Variants in PTPRN2 observed in about 807,000 individuals in gnomAD.
PTPRN2 encodes the protein receptor-type tyrosine-protein phosphatase N2.
PTPRN2 carries 74 observed loss-of-function variants against 118.8 expected under a neutral mutation model. The ratio of observed to expected loss-of-function variants is 0.62; its 90% confidence interval spans 0.52 to 0.76. The LOEUF (loss-of-function observed/expected upper bound fraction) is 0.76. PTPRN2 is among the 30% of genes least tolerant of loss of function. The pLI is 0.00. For synonymous variants in PTPRN2, 641 were observed against 608.0 expected (o/e 1.05, Z -0.80); for missense variants, 1,481 against 1,394.4 (o/e 1.06, Z -0.99).
chr7:157,785,307 G>C lies in PTPRN2; in HGVS notation c.1789-102370C>G, dbSNP rs1196022444. ...GTGTAAATCCACACTCTATGGTGACGGTGGATCCACAGCTGCCGCGGGTCC... is the reference window on the plus strand; with the variant it reads ...GTGTAAATCCACACTCTATGGTGACCGTGGATCCACAGCTGCCGCGGGTCC... On this transcript the variant is annotated intron_variant, in intron 12 of 22. Transcript: ENST00000389418. This position sits in a 1 kb window ranked among gnomAD's most constrained non-coding sequence, Gnocchi z 7.3. 6.6e-6 allele frequency among the ~76,000 whole-genome samples: 1 copy of C among 152,298 alleles called. No individual in the cohort carries two copies. Among genetic ancestry groups the C allele is most frequent in the South Asian group, 2.1e-4 (1 of 4,824 alleles).
Position 157,974,525 on chromosome 7 carries a change from G to A in PTPRN2, c.1724-75788C>T, listed in dbSNP as rs1454496930. ...GTGGGAACCGTCGGTCCTGCCATGGGACGATGTGACTGGGGGCTCGTCCAT... is the reference window on the plus strand; with the variant it reads ...GTGGGAACCGTCGGTCCTGCCATGGAACGATGTGACTGGGGGCTCGTCCAT... On this transcript the variant is annotated intron_variant, in intron 11 of 22. Transcript: ENST00000389418. The surrounding 1 kb of genome is among the most constrained non-coding windows in gnomAD (Gnocchi z 4.0). Among the ~76,000 whole-genome samples, 3 of 152,190 alleles carry A rather than the reference G, an allele frequency of 2.0e-5. No individual in the cohort carries two copies. The highest frequency in any genetic ancestry group is 7.2e-5 in the African/African-American group (3 of 41,448).
At chr7:158,504,239 C>T (rs1822579813) in intron 1 of PTPRN2, among the ~76,000 whole-genome samples, 1 of 152,032 alleles carries the variant, frequency 6.6e-6, no homozygotes, top group African/African-American at 2.4e-5. Context: ...CCAGGATGTG[C>T]AGGTTTGTCA....
intron 12 of PTPRN2, among the ~76,000 whole-genome samples, chr7:157,876,650 C>T (rs1444491799): frequency 6.6e-6 from 1 of 152,190 alleles, no homozygotes; most frequent in Non-Finnish European, 1.5e-5. Context: ...AAGACCAGCG[C>T]CCCCACGTGG....
chr7:158,570,678 G>T lies in PTPRN2; in HGVS notation c.112+16880C>A, dbSNP rs759546841. ...GTCTCCGCCGTAACACGTGTATACCGGCTCAGCACGCGGCTGGGTACGGTT... is the reference window on the plus strand; with the variant it reads ...GTCTCCGCCGTAACACGTGTATACCTGCTCAGCACGCGGCTGGGTACGGTT... On this transcript the variant is annotated intron_variant, in intron 1 of 22. Coordinates refer to ENST00000389418, the MANE Select transcript of PTPRN2 (RefSeq NM_002847.5). The surrounding 1 kb of genome is among the most constrained non-coding windows in gnomAD (Gnocchi z 4.5). Among the ~76,000 whole-genome samples, 2 of 152,154 alleles carry T rather than the reference G, an allele frequency of 1.3e-5. No individual in the cohort carries two copies. Among genetic ancestry groups the T allele is most frequent in the Non-Finnish European group, 1.5e-5 (1 of 68,016 alleles).
At chr7:158,243,321 C>A (rs540482130) in intron 3 of PTPRN2, among the ~76,000 whole-genome samples, 53 of 152,154 alleles carry the variant, frequency 3.5e-4, no homozygotes, top group Non-Finnish European at 6.6e-4. Flanking sequence ...AGGAGCAGAC[C>A]ATTTCACTGC....
At chr7:158,581,840 G>A (rs1828642705) in intron 1 of PTPRN2, among the ~76,000 whole-genome samples, 1 of 152,246 alleles carries the variant, frequency 6.6e-6, no homozygotes, top group South Asian at 2.1e-4. Flanking sequence ...CAAGACAAAT[G>A]CAGCTCGGTA....
At chr7:158,208,438 C>G (rs1411542546) in intron 3 of PTPRN2, among the ~76,000 whole-genome samples, 2 of 152,182 alleles carry the variant, frequency 1.3e-5, no homozygotes, top group Non-Finnish European at 2.9e-5. Context: ...TACAATGGAG[C>G]TGCAGTACAT....
chr7:158,383,358 C>G (rs551001845), intron 2 of PTPRN2, among the ~76,000 whole-genome samples: 1 of 152,276 alleles, frequency 6.6e-6, no homozygotes, highest in South Asian at 2.1e-4. Flanking sequence ...CAGAACAGAG[C>G]AATCATGCAC....
chr7:158,224,604 T>A (rs1358657148), intron 3 of PTPRN2, among the ~76,000 whole-genome samples: 1 of 152,090 alleles, frequency 6.6e-6, no homozygotes, highest in Non-Finnish European at 1.5e-5. Context: ...GACATAAATG[T>A]AAAAATGCAA....
chr7:157,844,100 C>T (rs1239310142), intron 12 of PTPRN2, among the ~76,000 whole-genome samples: 1 of 151,552 alleles, frequency 6.6e-6, no homozygotes, highest in African/African-American at 2.4e-5. Flanking sequence ...AACGCAGGCC[C>T]CTCCACATCG....
intron 11 of PTPRN2, among the ~76,000 whole-genome samples, chr7:158,068,527 G>A (rs1052349185): frequency 9.9e-5 from 15 of 152,214 alleles, no homozygotes; most frequent in African/African-American, 2.4e-4. Flanking sequence ...GCATTGGTAC[G>A]GCTTCACTTT....
chr7:157,745,259 G>A (rs1004001825), intron 12 of PTPRN2, among the ~76,000 whole-genome samples: 19 of 152,222 alleles, frequency 1.2e-4, no homozygotes, highest in Non-Finnish European at 1.9e-4. Context: ...TTCTGTGTAT[G>A]TCTCAGCCCA....
At chr7:157,584,078 A>C (rs966808332) in intron 17 of PTPRN2, among the ~76,000 whole-genome samples, 4 of 152,142 alleles carry the variant, frequency 2.6e-5, no homozygotes, top group Admixed American at 2.0e-4. Flanking sequence ...GGGTGGGAGG[A>C]TCATTTGAGC....
rs148389929 is a variant in PTPRN2 at position 157,973,898 on chromosome 7, C to T, written c.1724-75161G>A. 1.5e-3 allele frequency among the ~76,000 whole-genome samples: 225 copies of T among 152,312 alleles called. 1 individual carries two copies. Among genetic ancestry groups the T allele is most frequent in the African/African-American group, 4.9e-3 (205 of 41,568 alleles). On this transcript the variant is annotated intron_variant, in intron 11 of 22. Transcript: ENST00000389418. ...CCACAGGGTATGAAAAGTGGCCTCT[C>T]GCGCTGTCCTCCTTCTGTTGGGGGG...
intron 14 of PTPRN2, among the ~76,000 whole-genome samples, chr7:157,653,062 CAT>C (rs1330934553): frequency 6.6e-6 from 1 of 152,224 alleles, no homozygotes; most frequent in Non-Finnish European, 1.5e-5. Flanking sequence ...CACCCTGCCA[CAT>C]GTGTCCTTTG....
intron 11 of PTPRN2, among the ~76,000 whole-genome samples, chr7:157,975,068 G>A (rs1025556735): frequency 1.3e-5 from 2 of 152,080 alleles, no homozygotes; most frequent in African/African-American, 4.8e-5. Flanking sequence ...CCCGGACCCT[G>A]CCTCCATCAG....
intron 1 of PTPRN2, among the ~76,000 whole-genome samples, chr7:158,531,431 G>A (rs1324951840): frequency 6.6e-6 from 1 of 152,212 alleles, no homozygotes; most frequent in Non-Finnish European, 1.5e-5. Flanking sequence ...AGGCCTGCGA[G>A]CCCAGGGGTG....
rs184287507 is a variant in PTPRN2 at position 158,458,067 on chromosome 7, T to C, written c.163+31668A>G. Among the ~76,000 whole-genome samples, 735 of 152,310 alleles carry C rather than the reference T, an allele frequency of 4.8e-3. 4 individuals are homozygous for C. The highest frequency in any genetic ancestry group is 0.017 in the African/African-American group (709 of 41,560). On this transcript the variant is annotated intron_variant, in intron 2 of 22. Coordinates refer to ENST00000389418, the MANE Select transcript of PTPRN2 (RefSeq NM_002847.5). Reference sequence around the variant, plus strand: ...AGTTAATTTGGTGTCTCCTGGGCACTTCACAGCTCTGCAGTGCCCAGGGTT... The same window carrying C: ...AGTTAATTTGGTGTCTCCTGGGCACCTCACAGCTCTGCAGTGCCCAGGGTT...
intron 2 of PTPRN2, among the ~76,000 whole-genome samples, chr7:158,373,133 G>T (rs1810222415): frequency 6.6e-6 from 1 of 152,240 alleles, no homozygotes; most frequent in African/African-American, 2.4e-5. Context: ...AGATGGCTTT[G>T]TCTGTAAAGG....
Sources: allele counts gnomAD v4.1 joint callset (sites outside exome capture counted in the v4.1 genomes callset), GRCh38; gene constraint gnomAD v4.1.1; non-coding constraint Gnocchi (gnomAD v3.1); transcripts MANE v1.5; gene names NCBI Gene and HGNC (gene_info 2026-07-23, HGNC 2026-07-21).